Variants in DHPS observed in about 807,000 individuals in gnomAD.
DHPS encodes migration-inducing gene 13.
Under a neutral mutation model 38.7 loss-of-function variants are expected in DHPS, and 24 were observed. The observed-to-expected ratio is 0.62, with a 90% CI of 0.45 to 0.87. The LOEUF (loss-of-function observed/expected upper bound fraction) is 0.87, where lower values mean the gene tolerates loss of function less well. Ranked by LOEUF, DHPS falls within the 40% of genes least tolerant of loss-of-function variation. DHPS has a pLI of 0.00. For missense variants in DHPS, 510 were observed against 497.6 expected (o/e 1.02, Z -0.24); for synonymous variants, 250 against 204.4 (o/e 1.22, Z -1.90).
chr19:12,675,945 G>A lies in DHPS; in HGVS notation c.1015-12C>T. ...GCGTCAGCATAGACCTGGGTAGGGGGGAACCTGGGTAAGCCATGGGACCCA... is the reference window on the plus strand; with the variant it reads ...GCGTCAGCATAGACCTGGGTAGGGGAGAACCTGGGTAAGCCATGGGACCCA... On this transcript the variant is annotated splice_polypyrimidine_tract_variant and intron_variant, in intron 8 of 8. Coordinates refer to ENST00000210060, the MANE Select transcript of DHPS (RefSeq NM_001930.4). 1 of 1,602,858 alleles carries A rather than the reference G, an allele frequency of 6.2e-7. No individual in the cohort carries two copies.
intron 2 of DHPS, 97 bp downstream of exon 2, chr19:12,680,064 T>G (rs778036373): frequency 6.4e-7 from 1 of 1,570,914 alleles, no homozygotes; most frequent in Non-Finnish European, 8.7e-7. Flanking sequence ...TTCCTCTGCT[T>G]ATAACAGACC....
chr19:12,681,266 G>A (rs190506575), intron 1 of DHPS: 2 of 1,296,056 alleles, frequency 1.5e-6, no homozygotes, highest in East Asian at 3.5e-5. Context: ...AATTTGTCTT[G>A]CCCCAGGCTC....
chr19:12,676,223 A>G, intron 7 of DHPS, 81 bp from the exon 8 acceptor site: 11 of 1,468,046 alleles, frequency 7.5e-6, no homozygotes, highest in Non-Finnish European at 8.2e-6. Flanking sequence ...GTAGCCAAAC[A>G]GGCTGAGAGG....
intron 5 of DHPS, among the ~76,000 whole-genome samples, chr19:12,677,931 G>A (rs1486378705): frequency 2.0e-5 from 3 of 150,228 alleles, no homozygotes; most frequent in Admixed American, 6.6e-5. Flanking sequence ...ATGAGCCACC[G>A]TGCCCGGCCG....
At chr19:12,677,647 T>A (rs78299436) in intron 5 of DHPS, among the ~76,000 whole-genome samples, 4 of 152,194 alleles carry the variant, frequency 2.6e-5, no homozygotes, top group South Asian at 2.1e-4. Flanking sequence ...TCTTTTTTTT[T>A]ATTCCCTGAG....
Position 12,677,114 on chromosome 19 carries a change from G to C in DHPS, c.882C>G (p.Asn294Lys). The C allele has an allele frequency of 6.2e-7, 1 of 1,614,170 alleles. No individual in the cohort carries two copies. Among genetic ancestry groups the C allele is most frequent in the Non-Finnish European group, 8.5e-7 (1 of 1,180,006 alleles). The change falls in exon 7 of 9, where the codon AAC (asparagine) becomes AAG (lysine). Residue 294 changes from asparagine to lysine, a missense_variant. Physicochemically the swap from Asn to Lys is moderately conservative, Grantham distance 94. Transcript: ENST00000210060. ...GVVKHHIANA[N>K]LMRNGADYAV... Reference sequence around the variant, plus strand: ...AAGCGCCACCCCCACTCACCATGAGGTTGGCATTGGCAATGTGGTGCTTGA... The same window carrying C: ...AAGCGCCACCCCCACTCACCATGAGCTTGGCATTGGCAATGTGGTGCTTGA...
intron 1 of DHPS, 122 bp from the exon 2 acceptor site, chr19:12,680,447 C>T: frequency 1.0e-6 from 1 of 969,036 alleles, no homozygotes; most frequent in Non-Finnish European, 1.6e-6. Context: ...AGGACCAGTT[C>T]TACAGGGGAC....
chr19:12,681,389 C>T, intron 1 of DHPS, 171 bp downstream of exon 1: 1 of 1,022,218 alleles, frequency 9.8e-7, no homozygotes, highest in Non-Finnish European at 1.4e-6. Flanking sequence ...GCAAAATCCC[C>T]TTCCCAGGAC....
In DHPS at chr19:12,681,856, C is replaced by T. The variant is rs75315897; in HGVS notation, c.-90G>A. The T allele has an allele frequency of 8.1e-3, 9,404 of 1,159,976 alleles. 534 individuals are homozygous for T. The African/African-American group carries it at 0.12, about 15-fold the overall frequency. The allele number at this position is 1,159,976 out of a possible 1,614,324, so 71.9% of individuals were successfully genotyped here. A position where few individuals can be genotyped will look rare whatever the true frequency, so the allele number is the denominator to read the frequency against. ...CGTTAAACCCCGACGCGCGCGTCTC[C>T]GCAAGAGCACAGGAAGTAGGGAACG... On this transcript the variant is annotated 5_prime_UTR_variant, in exon 1 of 9. Transcript: ENST00000210060.
Position 12,675,785 on chromosome 19 carries a change from C to A in DHPS, c.*53G>T, listed in dbSNP as rs1201132047. The A allele has an allele frequency of 1.3e-6, 2 of 1,566,904 alleles. No individual in the cohort carries two copies. Among genetic ancestry groups the A allele is most frequent in the East Asian group, 4.5e-5 (2 of 44,112 alleles). On this transcript the variant is annotated 3_prime_UTR_variant, in exon 9 of 9. Transcript: ENST00000210060. The stretch of plus-strand genomic sequence containing the variant: ...CCAAAAAGTAGGGGAGGGGCTGGGT[C>A]TGCAAATTAATAAATAGAAGAGGGG...
downstream of DHPS, among the ~76,000 whole-genome samples, chr19:12,674,676 G>C (rs1005297018): frequency 5.3e-5 from 8 of 152,134 alleles, 1 homozygote; most frequent in Admixed American, 5.2e-4. Context: ...AAATGGACAG[G>C]ATGGAGCCCA....
At chr19:12,681,498 T>A in intron 1 of DHPS, 62 bp downstream of exon 1, 2 of 1,578,886 alleles carry the variant, frequency 1.3e-6, no homozygotes, top group Non-Finnish European at 1.7e-6. Context: ...CCCCGTCTAG[T>A]ACCGCGTTGG....
At position 12,676,114 on chromosome 19, in the gene DHPS, A is replaced by G; in HGVS notation, c.917T>C (p.Ile306Thr). The G allele has an allele frequency of 6.2e-7, 1 of 1,613,566 alleles. No individual in the cohort carries two copies. Among genetic ancestry groups the G allele is most frequent in the Non-Finnish European group, 8.5e-7 (1 of 1,179,872 alleles). ...MRNGADYAVY[I>T]NTAQEFDGSD... Reference sequence around the variant, plus strand: ...GCCATCAAACTCCTGGGCTGTGTTGATGTAAACAGCGTAGTCGGCCCCGTT... The same window carrying G: ...GCCATCAAACTCCTGGGCTGTGTTGGTGTAAACAGCGTAGTCGGCCCCGTT... Residue 306 changes from isoleucine (I) to threonine (T), a missense_variant, in exon 8 of 9, where the codon ATC (isoleucine) becomes ACC (threonine). Physicochemically the swap from Ile to Thr is moderately conservative, Grantham distance 89. Coordinates refer to ENST00000210060, the MANE Select transcript of DHPS (RefSeq NM_001930.4).
intron 5 of DHPS, among the ~76,000 whole-genome samples, chr19:12,678,151 T>C (rs936336426): frequency 5.9e-5 from 9 of 151,560 alleles, no homozygotes; most frequent in African/African-American, 2.2e-4. Flanking sequence ...ACTTGGGAAC[T>C]TGATGCTGAG....
chr19:12,679,048 C>G (rs936467339), intron 5 of DHPS, among the ~76,000 whole-genome samples: 1 of 152,046 alleles, frequency 6.6e-6, no homozygotes, highest in African/African-American at 2.4e-5. Flanking sequence ...GTAATCCCAG[C>G]ACTTTGGGAG....
At position 12,679,206 on chromosome 19, in the gene DHPS, G is replaced by C. The variant is rs11879732; in HGVS notation, c.678+251C>G. ...CCAGCTACTCGAGAGGCTGAGGTGG[G>C]AGGACTGCTTGGCCCCAGGAGGTTG... On this transcript the variant is annotated intron_variant, in intron 5 of 8. Coordinates refer to ENST00000210060, the MANE Select transcript of DHPS (RefSeq NM_001930.4). 3.7e-3 allele frequency among the ~76,000 whole-genome samples: 570 copies of C among 152,022 alleles called. 2 individuals carry two copies. Among genetic ancestry groups the C allele is most frequent in the African/African-American group, 0.013 (549 of 41,450 alleles).
chr19:12,681,864 C>G lies in DHPS; in HGVS notation c.-98G>C. 1 of 1,085,384 alleles carries G rather than the reference C, an allele frequency of 9.2e-7. No homozygotes were observed. The highest frequency in any genetic ancestry group is 1.4e-5 in the South Asian group (1 of 72,710). The allele number at this position is 1,085,384 out of a possible 1,614,324, so 67.2% of individuals were successfully genotyped here. A position where few individuals can be genotyped will look rare whatever the true frequency, so the allele number is the denominator to read the frequency against. On this transcript the variant is annotated 5_prime_UTR_variant, in exon 1 of 9. Coordinates refer to ENST00000210060, the MANE Select transcript of DHPS (RefSeq NM_001930.4). ...CCCGACGCGCGCGTCTCCGCAAGAGCACAGGAAGTAGGGAACGTGCTTTGG... is the reference window on the plus strand; with the variant it reads ...CCCGACGCGCGCGTCTCCGCAAGAGGACAGGAAGTAGGGAACGTGCTTTGG...
At chr19:12,678,410 TG>T (rs1232158035) in intron 5 of DHPS, among the ~76,000 whole-genome samples, 2 of 152,086 alleles carry the variant, frequency 1.3e-5, no homozygotes, top group Admixed American at 1.3e-4. Flanking sequence ...AAGACAGCAG[TG>T]AGCCATTATT....
Position 12,677,115 on chromosome 19 carries a change from T to A in DHPS, c.881A>T (p.Asn294Ile). The A allele has an allele frequency of 1.2e-6, 2 of 1,614,036 alleles. No homozygotes were observed. Among genetic ancestry groups the A allele is most frequent in the Non-Finnish European group, 1.7e-6 (2 of 1,179,898 alleles). The change falls in exon 7 of 9, where the codon AAC (asparagine) becomes ATC (isoleucine). Residue 294 changes from asparagine to isoleucine, a missense_variant. Transcript: ENST00000210060. Reference sequence around the variant, plus strand: ...AGCGCCACCCCCACTCACCATGAGGTTGGCATTGGCAATGTGGTGCTTGAC... The same window carrying A: ...AGCGCCACCCCCACTCACCATGAGGATGGCATTGGCAATGTGGTGCTTGAC... ...GVVKHHIANANLMRNGADYAV... is the reference protein window; with the variant it reads ...GVVKHHIANAILMRNGADYAV...
Sources: gnomAD v4.1 joint callset for allele counts (sites outside exome capture counted in the v4.1 genomes callset) on GRCh38, gnomAD v4.1.1 for gene constraint, MANE v1.5 for transcripts, NCBI Gene and HGNC (gene_info 2026-07-23, HGNC 2026-07-21) for gene names.